The following DNAI4 variants were observed in gnomAD, a reference collection of about 807,000 sequenced individuals.
DNAI4 encodes the protein WD repeat domain 78.
In DNAI4, 85 loss-of-function variants were observed where a neutral mutation model predicts 105.8. The observed-to-expected ratio is 0.80, with a 90% CI of 0.67 to 0.96. The LOEUF is 0.96. Among genes scored for constraint, DNAI4 ranks in the 40% least tolerant of loss-of-function variants. DNAI4 has a pLI of 0.00. For synonymous variants in DNAI4, 352 were observed against 331.5 expected (o/e 1.06, Z -0.67); for missense variants, 1,014 against 1,005.6 (o/e 1.01, Z -0.11).
In DNAI4 at chr1:66,891,257, T is replaced by A; in HGVS notation, c.540A>T (p.Leu180Phe). ...TTGACTTAGAAACTGTACTGCTTCCTAAAACTGACCTTTAATAATGAATAA... is the reference window on the plus strand; with the variant it reads ...TTGACTTAGAAACTGTACTGCTTCCAAAAACTGACCTTTAATAATGAATAA... ...STLGQFTRSV[L>F]GSSTVSKSSV... The change falls in exon 4 of 17, where the codon TTA becomes TTT. Residue 180 changes from leucine (L) to phenylalanine (F), a missense_variant. Transcript: ENST00000371026. The A allele has an allele frequency of 6.2e-7, 1 of 1,612,254 alleles. No homozygotes were observed.
At chr1:66,830,130 C>A (rs566706520) in intron 13 of DNAI4, among the ~76,000 whole-genome samples, 10 of 151,680 alleles carry the variant, frequency 6.6e-5, no homozygotes, top group African/African-American at 9.7e-5. Flanking sequence ...AATCAATGAC[C>A]TCCACTTTCA....
chr1:66,889,365 C>T (rs1003065843), intron 4 of DNAI4, among the ~76,000 whole-genome samples: 1 of 151,884 alleles, frequency 6.6e-6, no homozygotes, highest in Non-Finnish European at 1.5e-5. Flanking sequence ...GGATAAAATG[C>T]CCAGAGTGAG....
At chr1:66,814,408 C>T (rs1397210056) in intron 16 of DNAI4, among the ~76,000 whole-genome samples, 6 of 151,864 alleles carry the variant, frequency 4.0e-5, no homozygotes, top group Admixed American at 2.0e-4. Context: ...CTTGCTCTGT[C>T]GCCAGGCTGG....
chr1:66,819,124 C>T (rs2100306889), intron 16 of DNAI4, among the ~76,000 whole-genome samples: 1 of 152,146 alleles, frequency 6.6e-6, no homozygotes, highest in South Asian at 2.1e-4. Context: ...GGCCCCTTTG[C>T]CACTTTTCTC....
intron 4 of DNAI4, among the ~76,000 whole-genome samples, chr1:66,886,417 G>C (rs1227287838): frequency 2.0e-5 from 3 of 152,130 alleles, no homozygotes; most frequent in Non-Finnish European, 4.4e-5. Flanking sequence ...AGCCAGACAT[G>C]TTGTATCCTG....
intron 8 of DNAI4, among the ~76,000 whole-genome samples, chr1:66,845,206 A>AAG (rs1376087491): frequency 3.0e-5 from 1 of 32,898 alleles, no homozygotes; most frequent in African/African-American, 8.2e-5. Context: ...AAAAAAAAAA[A>AAG]AAAGAAAAAT....
At chr1:66,836,254 GAGAAAGAAAGAA>G (rs68091805) in intron 10 of DNAI4, among the ~76,000 whole-genome samples, 23,944 of 98,668 alleles carry the variant, frequency 0.24, 3,121 homozygotes, top group Non-Finnish European at 0.26. Flanking sequence ...AAGAGAGAGA[GAGAAAGAAAGAA>G]AGAAAGAAAG....
At chr1:66,874,690 C>G in intron 5 of DNAI4, 91 bp downstream of exon 5, 1 of 1,355,214 alleles carries the variant, frequency 7.4e-7, no homozygotes, top group Non-Finnish European at 1.0e-6. Context: ...TACCCCAGAA[C>G]CCCCAAGGAC....
At chr1:66,827,297 A>T (rs1645775519) in intron 14 of DNAI4, among the ~76,000 whole-genome samples, 1 of 152,102 alleles carries the variant, frequency 6.6e-6, no homozygotes, top group Non-Finnish European at 1.5e-5. Flanking sequence ...AAAAATAAAG[A>T]GTATTAAGAA....
At chr1:66,847,163 C>T (rs972376784) in intron 8 of DNAI4, among the ~76,000 whole-genome samples, 14 of 152,294 alleles carry the variant, frequency 9.2e-5, no homozygotes, top group East Asian at 1.9e-4. Flanking sequence ...GTGCTACTCA[C>T]GCATTTAGTG....
At chr1:66,826,067 T>A (rs974407770) in intron 15 of DNAI4, among the ~76,000 whole-genome samples, 7 of 152,184 alleles carry the variant, frequency 4.6e-5, no homozygotes, top group African/African-American at 1.7e-4. Flanking sequence ...TCAAAAATTT[T>A]AATTAAGTTC....
intron 8 of DNAI4, among the ~76,000 whole-genome samples, chr1:66,842,182 C>G (rs1646164217): frequency 6.6e-6 from 1 of 152,140 alleles, no homozygotes; most frequent in Non-Finnish European, 1.5e-5. Flanking sequence ...GAATAATATT[C>G]CATTGTCTGG....
intron 11 of DNAI4, among the ~76,000 whole-genome samples, 164 bp downstream of exon 11, chr1:66,835,462 A>G (rs1336590910): frequency 6.6e-6 from 1 of 152,182 alleles, no homozygotes; most frequent in Admixed American, 6.5e-5. Context: ...ATTAGGACAG[A>G]CCATTCCAGC....
chr1:66,919,757 G>A (rs1650324786), intron 1 of DNAI4, among the ~76,000 whole-genome samples: 1 of 152,168 alleles, frequency 6.6e-6, no homozygotes, highest in South Asian at 2.1e-4. Context: ...AGTTTTATCA[G>A]GGCCTGACTG....
At position 66,882,965 on chromosome 1, in the gene DNAI4, C is replaced by T. The variant is rs145419567; in HGVS notation, c.644-8028G>A. Among the ~76,000 whole-genome samples, 14 of 151,660 alleles carry T rather than the reference C, an allele frequency of 9.2e-5. No individual in the cohort carries two copies. The East Asian group carries it at 2.5e-3, about 27-fold the overall frequency. On this transcript the variant is annotated intron_variant, in intron 4 of 16. Transcript: ENST00000371026. ...TTATTTTTTTTTACTTCTTTCTTCC[C>T]TGTTTTGAGGCTTTCTGTGTATAGA...
At chr1:66,865,442 A>G (rs1646713622) in intron 6 of DNAI4, among the ~76,000 whole-genome samples, 1 of 152,128 alleles carries the variant, frequency 6.6e-6, no homozygotes, top group Admixed American at 6.5e-5. Context: ...AACAACAACA[A>G]AAAGATTTTA....
intron 1 of DNAI4, among the ~76,000 whole-genome samples, chr1:66,922,501 A>G (rs1168970420): frequency 6.6e-6 from 1 of 152,212 alleles, no homozygotes; most frequent in Non-Finnish European, 1.5e-5. Context: ...GGGGCCCTGT[A>G]AAGAGTTTTA....
At chr1:66,815,566 G>T (rs1250135844) in intron 16 of DNAI4, among the ~76,000 whole-genome samples, 1 of 152,058 alleles carries the variant, frequency 6.6e-6, no homozygotes, top group South Asian at 2.1e-4. Flanking sequence ...GAAAAACATG[G>T]TAAACATTTG....
chr1:66,828,157 C>T lies in DNAI4; in HGVS notation c.2014-247G>A, dbSNP rs77954129. 5.1e-4 allele frequency: 117 copies of T among 227,280 alleles called. No homozygotes were observed. The East Asian group carries it at 9.6e-3, about 19-fold the overall frequency. The allele number at this position is 227,280 out of a possible 1,614,324, so 14.1% of individuals were successfully genotyped here. On this transcript the variant is annotated intron_variant, in intron 13 of 16. Transcript: ENST00000371026. Reference sequence around the variant, plus strand: ...CTGGAATCGGGGTAGCATTTAATATCCTGTATGGAAATTACATAGAAAAAC... The same window carrying T: ...CTGGAATCGGGGTAGCATTTAATATTCTGTATGGAAATTACATAGAAAAAC...
Sources: gnomAD v4.1 joint callset for allele counts (sites outside exome capture counted in the v4.1 genomes callset) on GRCh38, gnomAD v4.1.1 for gene constraint, MANE v1.5 for transcripts, NCBI Gene and HGNC (gene_info 2026-07-23, HGNC 2026-07-21) for gene names.